The following TRIT1 variants were observed in gnomAD, a reference collection of about 807,000 sequenced individuals.
TRIT1 encodes tRNA dimethylallyltransferase.
Under a neutral mutation model 51.2 loss-of-function variants are expected in TRIT1, and 43 were observed. The observed-to-expected ratio is 0.84, with a 90% CI of 0.66 to 1.08. The LOEUF (loss-of-function observed/expected upper bound fraction) is 1.08. Ranked by LOEUF, TRIT1 falls within the 50% of genes least tolerant of loss-of-function variation. The pLI, the probability that TRIT1 is intolerant of heterozygous loss-of-function variation, is 0.00. For synonymous variants in TRIT1, 184 were observed against 203.9 expected, an observed-to-expected ratio of 0.90 and a Z score of 0.83; for missense variants, 528 against 578.4, an observed-to-expected ratio of 0.91 and a Z score of 0.89.
At chr1:39,853,913 A>T in intron 3 of TRIT1, 57 bp downstream of exon 3, 1 of 1,206,010 alleles carries the variant, frequency 8.3e-7, no homozygotes, top group Non-Finnish European at 1.2e-6. Context: ...CACTGAAATT[A>T]GACAGCAAGA....
intron 10 of TRIT1, among the ~76,000 whole-genome samples, 199 bp from the exon 11 acceptor site, chr1:39,842,112 G>A (rs1035774948): frequency 2.8e-4 from 42 of 152,336 alleles, no homozygotes; most frequent in Admixed American, 7.2e-4. Context: ...GCAAAATAGA[G>A]TGAGCTACCA....
At chr1:39,861,336 C>G (rs1336400007) in intron 1 of TRIT1, among the ~76,000 whole-genome samples, 2 of 152,004 alleles carry the variant, frequency 1.3e-5, no homozygotes, top group African/African-American at 4.8e-5. Context: ...GGCAACATAA[C>G]GAGACCCGAT....
At position 39,883,480 on chromosome 1, in the gene TRIT1, C is replaced by T. The variant is rs774925980; in HGVS notation, c.12G>A (p.Val4=). 2 of 1,596,030 alleles carry T rather than the reference C, an allele frequency of 1.3e-6. No homozygotes were observed. The highest frequency in any genetic ancestry group is 1.1e-5 in the South Asian group (1 of 90,620). The change falls in exon 1 of 11, where the codon GTG becomes GTA. Residue 4 remains valine, a synonymous_variant. Coordinates refer to ENST00000316891, the MANE Select transcript of TRIT1 (RefSeq NM_017646.6). ...CCACGGGAACTGCTCGTGCAGCCGC[C>T]ACGGACGCCATCTTATGGCAGTCTG... The part of the protein sequence containing the change: MAS[V]AAARAVPVGS...
intron 1 of TRIT1, among the ~76,000 whole-genome samples, chr1:39,861,620 C>T (rs1570060675): frequency 6.6e-6 from 1 of 152,094 alleles, no homozygotes; most frequent in East Asian, 1.9e-4. Context: ...GAGTATTATT[C>T]AGCCTTAAGA....
At chr1:39,874,151 A>T (rs1643969994) in intron 1 of TRIT1, among the ~76,000 whole-genome samples, 1 of 152,204 alleles carries the variant, frequency 6.6e-6, no homozygotes, top group African/African-American at 2.4e-5. Context: ...GTAACACAGT[A>T]AGACCGTGTC....
At chr1:39,870,733 C>G (rs1643853107) in intron 1 of TRIT1, among the ~76,000 whole-genome samples, 2 of 151,894 alleles carry the variant, frequency 1.3e-5, no homozygotes, top group Non-Finnish European at 2.9e-5. Flanking sequence ...TTTTAGAAAA[C>G]AGTTTGGTAG....
chr1:39,870,986 G>A (rs1301585374), intron 1 of TRIT1, among the ~76,000 whole-genome samples: 1 of 152,178 alleles, frequency 6.6e-6, no homozygotes, highest in Admixed American at 6.5e-5. Context: ...CTGAGATCAG[G>A]AGTTCAAGAC....
At chr1:39,865,592 C>CATGGGTG (rs1553144670) in intron 1 of TRIT1, among the ~76,000 whole-genome samples, 38 of 148,308 alleles carry the variant, frequency 2.6e-4, no homozygotes, top group African/African-American at 9.3e-4. Context: ...ATCCCAGCAC[C>CATGGGTG]GTGGGTGGCT....
chr1:39,873,145 C>T (rs950498533), intron 1 of TRIT1, among the ~76,000 whole-genome samples: 3 of 152,096 alleles, frequency 2.0e-5, no homozygotes, highest in African/African-American at 7.2e-5. Flanking sequence ...TAGGTACTGT[C>T]ATTTTATGGA....
rs372947285 is a variant in TRIT1 at position 39,844,608 on chromosome 1, A to G, written c.1039T>C (p.Leu347=). ...PGPIVPPVYG[L]EVSDVSKWEE... ...CACTTCGAGACATCAGATACCTCTA[A>G]GCCATAGACAGGGGGGACAATGGGA... is the stretch of plus-strand genomic sequence containing the variant. The change falls in exon 9 of 11, where the codon TTA becomes CTA. Residue 347 remains leucine, a synonymous_variant. Transcript: ENST00000316891. 8.1e-6 allele frequency: 13 copies of G among 1,613,858 alleles called. No homozygotes were observed. The African/African-American group carries it at 1.6e-4, about 20-fold the overall frequency.
At chr1:39,872,611 C>T (rs1459002303) in intron 1 of TRIT1, among the ~76,000 whole-genome samples, 2 of 152,008 alleles carry the variant, frequency 1.3e-5, no homozygotes, top group African/African-American at 4.8e-5. Flanking sequence ...AGTATAAACC[C>T]ATGCTTATTT....
At chr1:39,849,142 G>A (rs1201780959) in intron 5 of TRIT1, among the ~76,000 whole-genome samples, 2 of 152,038 alleles carry the variant, frequency 1.3e-5, no homozygotes, top group Non-Finnish European at 2.9e-5. Context: ...ATTTATTGAG[G>A]ACCCGTCATG....
rs757122180 is a variant in TRIT1, at chr1:39,859,582, C to CA, written c.175-2166dup. ...TGGGCAATAGAGCCAGACTTTGTCTCAAAAAAAAAAAAGAAAGAAAGAAAG... is the reference window on the plus strand; with the variant it reads ...TGGGCAATAGAGCCAGACTTTGTCTCAAAAAAAAAAAAAGAAAGAAAGAAAG... On this transcript the variant is annotated intron_variant, in intron 1 of 10. Coordinates refer to ENST00000316891, the MANE Select transcript of TRIT1 (RefSeq NM_017646.6). Among the ~76,000 whole-genome samples, 205 of 117,396 alleles carry CA rather than the reference C, an allele frequency of 1.7e-3. 1 individual carries two copies. Among genetic ancestry groups the CA allele is most frequent in the East Asian group, 6.7e-3 (29 of 4,358 alleles). 77.0% of individuals were successfully genotyped at this position (117,396 alleles called of 152,430 possible).
At chr1:39,863,403 T>C (rs1216049806) in intron 1 of TRIT1, among the ~76,000 whole-genome samples, 1 of 152,098 alleles carries the variant, frequency 6.6e-6, no homozygotes, top group Non-Finnish European at 1.5e-5. Context: ...AAGGCTATAG[T>C]GAGCTAAAAA....
At chr1:39,859,363 A>G (rs1225062309) in intron 1 of TRIT1, among the ~76,000 whole-genome samples, 1 of 144,472 alleles carries the variant, frequency 6.9e-6, no homozygotes, top group Non-Finnish European at 1.5e-5. Flanking sequence ...AGGTGGGTGG[A>G]TCACTTGAGC....
rs145291239 is a variant in TRIT1 at position 39,838,655 on chromosome 1, TGTAA to T, written c.*3085_*3088del. ...CCCGGCATGCATACATATATATATATGTAAGTATGTATGTATGTATATATTTGTG... is the reference window on the plus strand; with the variant it reads ...CCCGGCATGCATACATATATATATATGTATGTATGTATGTATATATTTGTG... On this transcript the variant is annotated 3_prime_UTR_variant, in exon 11 of 11. Transcript: ENST00000316891. Among the ~76,000 whole-genome samples, 4,087 of 152,172 alleles carry T rather than the reference TGTAA, an allele frequency of 0.027. 152 individuals are homozygous for T. The highest frequency in any genetic ancestry group is 0.18 in the East Asian group (934 of 5,148).
rs535619771 is a variant in TRIT1 at position 39,876,943 on chromosome 1, A to C, written c.174+6375T>G. The stretch of plus-strand genomic sequence containing the variant: ...ACTCCATCTCAAAAAAAAAAAACAA[A>C]AAAAAAAGGACTGCCTTTGTCAGTT... On this transcript the variant is annotated intron_variant, in intron 1 of 10. Coordinates refer to ENST00000316891, the MANE Select transcript of TRIT1 (RefSeq NM_017646.6). Among the ~76,000 whole-genome samples the C allele has an allele frequency of 4.0e-5, 6 of 150,562 alleles. No homozygotes were observed. The East Asian group carries it at 5.9e-4, about 15-fold the overall frequency.
At chr1:39,867,065 G>C (rs927787329) in intron 1 of TRIT1, among the ~76,000 whole-genome samples, 1 of 152,242 alleles carries the variant, frequency 6.6e-6, no homozygotes, top group African/African-American at 2.4e-5. Flanking sequence ...GGAATTTATA[G>C]TGCAGATTAT....
rs113012982 is a variant in TRIT1, at chr1:39,848,100, T to C, written c.704-3A>G. 3.1e-6 allele frequency: 5 copies of C among 1,613,222 alleles called. No homozygotes were observed. Among genetic ancestry groups the C allele is most frequent in the African/African-American group, 2.7e-5 (2 of 74,994 alleles). Reference sequence around the variant, plus strand: ...CTTATCCAAGCGCTCATCTAGAACTTGAATCAAATTAGCCCATCAACCAGC... The same window carrying C: ...CTTATCCAAGCGCTCATCTAGAACTCGAATCAAATTAGCCCATCAACCAGC... On this transcript the variant is annotated splice_region_variant and splice_polypyrimidine_tract_variant and intron_variant, in intron 5 of 10. Coordinates refer to ENST00000316891, the MANE Select transcript of TRIT1 (RefSeq NM_017646.6).
Sources: allele counts gnomAD v4.1 joint callset (sites outside exome capture counted in the v4.1 genomes callset), GRCh38; gene constraint gnomAD v4.1.1; transcripts MANE v1.5; gene names NCBI Gene and HGNC (gene_info 2026-07-23, HGNC 2026-07-21).